The following FAM200B variants were observed in gnomAD, a reference collection of about 807,000 sequenced individuals.
FAM200B encodes the protein zinc finger BED-type containing 11, also known as protein FAM200B.
A neutral mutation model predicts 33.1 loss-of-function variants in FAM200B; 32 were observed. That is an observed-to-expected ratio of 0.97 (90% CI 0.73 to 1.30). The LOEUF (loss-of-function observed/expected upper bound fraction) is 1.30, where lower values mean the gene tolerates loss of function less well. FAM200B is among the 50% of genes most tolerant of loss of function. FAM200B has a pLI of 0.00. For synonymous variants in FAM200B, 240 were observed against 264.8 expected (o/e 0.91, Z 0.91); for missense variants, 741 against 754.0 (o/e 0.98, Z 0.20).
chr4:15,662,079 A>G, the FAM200B span, among the ~76,000 whole-genome samples: 1 of 151,752 alleles, frequency 6.6e-6, no homozygotes. Flanking sequence ...TAATCTCAGA[A>G]GAGACATCCC....
the FAM200B span, among the ~76,000 whole-genome samples, chr4:15,637,264 T>C: frequency 1.3e-5 from 2 of 152,230 alleles, no homozygotes. Flanking sequence ...AAAATGTAGA[T>C]ATTTCTGATG....
the FAM200B span, among the ~76,000 whole-genome samples, chr4:15,657,187 T>C: frequency 1.3e-5 from 2 of 152,206 alleles, no homozygotes; most frequent in Non-Finnish European, 2.9e-5. Flanking sequence ...CTTTACCTCA[T>C]ACTAATCTTT....
rs1718898745 is a variant in FAM200B, at chr4:15,686,905, A to G, written c.-73A>G. On this transcript the variant is annotated 5_prime_UTR_variant, in exon 2 of 2. Coordinates refer to ENST00000422728, the MANE Select transcript of FAM200B (RefSeq NM_001145191.2). ...TTTGAAAAGATGTTATTTAGACTGT[A>G]TATTTTTTTCTTCTTTTTTGAGTTA... The G allele has an allele frequency of 8.0e-6, 6 of 750,164 alleles. No individual in the cohort carries two copies. The South Asian group carries it at 1.6e-4, about 21-fold the overall frequency. 46.5% of individuals were successfully genotyped at this position (750,164 alleles called of 1,614,324 possible).
the FAM200B span, among the ~76,000 whole-genome samples, chr4:15,645,014 T>C: frequency 6.6e-6 from 1 of 152,152 alleles, no homozygotes; most frequent in Admixed American, 6.5e-5. Flanking sequence ...TAAAATTTCA[T>C]TACTCTATAT....
chr4:15,639,737 G>A, the FAM200B span, among the ~76,000 whole-genome samples: 1 of 152,098 alleles, frequency 6.6e-6, no homozygotes, highest in African/African-American at 2.4e-5. Flanking sequence ...AAAATACCCA[G>A]GTCAATGCAT....
At chr4:15,673,984 A>G in the FAM200B span, among the ~76,000 whole-genome samples, 9 of 152,210 alleles carry the variant, frequency 5.9e-5, no homozygotes, top group African/African-American at 1.2e-4. Context: ...ATTGTTTTAT[A>G]TATTTTGTCC....
chr4:15,662,517 AATGAG>A, the FAM200B span, among the ~76,000 whole-genome samples: 1 of 152,212 alleles, frequency 6.6e-6, no homozygotes, highest in Non-Finnish European at 1.5e-5. Flanking sequence ...TACATTAAAT[AATGAG>A]ACTATCCCAA....
the FAM200B span, among the ~76,000 whole-genome samples, chr4:15,667,779 C>T: frequency 1.3e-5 from 2 of 152,238 alleles, no homozygotes; most frequent in Non-Finnish European, 2.9e-5. Context: ...CAATTTATCA[C>T]GCCTGTAATC....
At chr4:15,672,929 G>C in the FAM200B span, among the ~76,000 whole-genome samples, 2,546 of 151,654 alleles carry the variant, frequency 0.017, 71 homozygotes, top group African/African-American at 0.058. Context: ...ATTTTTACGA[G>C]ACACAAATTA....
upstream of FAM200B, among the ~76,000 whole-genome samples, chr4:15,680,002 C>T (rs1035438591): frequency 6.6e-6 from 1 of 152,098 alleles, no homozygotes; most frequent in Non-Finnish European, 1.5e-5. Context: ...TGTCCACCTA[C>T]GCGTGATTTA....
the FAM200B span, among the ~76,000 whole-genome samples, chr4:15,666,268 G>A: frequency 1.3e-5 from 2 of 152,000 alleles, no homozygotes; most frequent in Admixed American, 6.6e-5. Flanking sequence ...GTATGGTGGT[G>A]CATGCCTGTA....
chr4:15,647,119 A>T, the FAM200B span, among the ~76,000 whole-genome samples: 1 of 147,204 alleles, frequency 6.8e-6, no homozygotes, highest in South Asian at 2.2e-4. Context: ...GCTACTCGGG[A>T]GGCTGAGACA....
chr4:15,672,042 C>G, the FAM200B span, among the ~76,000 whole-genome samples: 1 of 152,146 alleles, frequency 6.6e-6, no homozygotes, highest in Non-Finnish European at 1.5e-5. Flanking sequence ...TGGATTTTAC[C>G]TTTCTAGGTG....
rs1339486432 is a variant in FAM200B, at chr4:15,687,292, G to A, written c.315G>A (p.Arg105=). The change falls in exon 2 of 2, where the codon AGG becomes AGA. Residue 105 remains arginine (R), a synonymous_variant. Transcript: ENST00000422728. ...NESLKPSKLK[R]HLETQHAELI... ...GCTTAAAACCTTCGAAATTAAAAAG[G>A]CACTTAGAAACTCAGCATGCTGAAC... 2.6e-6 allele frequency: 4 copies of A among 1,546,928 alleles called. No homozygotes were observed. The highest frequency in any genetic ancestry group is 2.0e-5 in the Admixed American group (1 of 50,566).
At chr4:15,655,308 C>T in the FAM200B span, 2 of 1,380,334 alleles carry the variant, frequency 1.4e-6, no homozygotes, top group South Asian at 1.4e-5. Context: ...TCAGCCTCCG[C>T]CTCAGCAGCC....
At chr4:15,659,768 C>T in the FAM200B span, 2 of 983,340 alleles carry the variant, frequency 2.0e-6, no homozygotes, top group Non-Finnish European at 1.2e-6. Flanking sequence ...CAAGTGAACA[C>T]CAAAATCTTG....
At chr4:15,679,252 A>G (rs948479996), upstream of FAM200B, among the ~76,000 whole-genome samples, 3 of 151,986 alleles carry the variant, frequency 2.0e-5, no homozygotes, top group African/African-American at 7.3e-5. Flanking sequence ...TAGTAGAGAC[A>G]GGGTTTCACC....
the FAM200B span, among the ~76,000 whole-genome samples, chr4:15,639,887 A>G: frequency 1.8e-4 from 27 of 152,262 alleles, no homozygotes; most frequent in Non-Finnish European, 5.9e-5. Flanking sequence ...ACTGATTTAC[A>G]GCTGAACAGG....
At chr4:15,649,525 A>G in the FAM200B span, among the ~76,000 whole-genome samples, 1 of 148,520 alleles carries the variant, frequency 6.7e-6, no homozygotes, top group African/African-American at 2.5e-5. Context: ...GGTTGCAGTG[A>G]GCCAAGATCA....
Sources: gnomAD v4.1 joint callset for allele counts (sites outside exome capture counted in the v4.1 genomes callset) on GRCh38, gnomAD v4.1.1 for gene constraint, MANE v1.5 for transcripts, NCBI Gene and HGNC (gene_info 2026-07-23, HGNC 2026-07-21) for gene names.